FADS1: variants seen among roughly 807,000 people sequenced by gnomAD.
FADS1 encodes acyl-CoA (8-3)-desaturase.
In FADS1, 17 loss-of-function variants were observed where a neutral mutation model predicts 61.6. The ratio of observed to expected loss-of-function variants is 0.28; its 90% CI spans 0.19 to 0.41. The LOEUF (loss-of-function observed/expected upper bound fraction) is 0.41. FADS1 is among the 10% of genes least tolerant of loss of function. FADS1 has a pLI of 1.00. For missense variants in FADS1, 387 were observed against 650.9 expected (o/e 0.59, Z 4.41); for synonymous variants, 238 against 258.7 (o/e 0.92, Z 0.77).
chr11:61,808,006 G>A (rs1382692072), intron 5 of FADS1, among the ~76,000 whole-genome samples: 1 of 152,216 alleles, frequency 6.6e-6, no homozygotes, highest in Non-Finnish European at 1.5e-5. Flanking sequence ...CACCCTCATG[G>A]AGCTTATAAC....
chr11:61,816,301 G>A lies in FADS1; in HGVS notation c.375+254C>T, dbSNP rs551984536. ...TGCAGATGGAATGCACGGCAGGGAG[G>A]CGGGACCCTTTGTTTGTGTGTGCGT... On this transcript the variant is annotated intron_variant, in intron 1 of 11. Transcript: ENST00000350997. This position sits in a 1 kb window ranked among gnomAD's most constrained non-coding sequence, Gnocchi z 7.0. 7 of 1,598,392 alleles carry A rather than the reference G, an allele frequency of 4.4e-6. No homozygotes were observed. The highest frequency in any genetic ancestry group is 8.5e-7 in the Non-Finnish European group (1 of 1,179,788).
intron 5 of FADS1, among the ~76,000 whole-genome samples, chr11:61,809,206 G>A (rs892075255): frequency 2.0e-5 from 3 of 152,010 alleles, no homozygotes; most frequent in African/African-American, 4.8e-5. Flanking sequence ...CATCATTCAG[G>A]TCTCAGTTCA....
rs1565320852 is a variant in FADS1 at position 61,812,587 on chromosome 11, GGAA to G, written c.565_567del (p.Phe189del). On this transcript the variant is annotated inframe_deletion, in exon 3 of 12. Transcript: ENST00000350997. ...AGCAAGATGTGCAGCAGGTACAGCA[GGAA>G]GAAGACATGGTTGGCCTTCATGAGC... The G allele has an allele frequency of 6.2e-7, 1 of 1,614,180 alleles. No individual in the cohort carries two copies. The highest frequency in any genetic ancestry group is 1.7e-5 in the Admixed American group (1 of 60,032).
At chr11:61,813,884 G>T (rs2066950185) in intron 1 of FADS1, among the ~76,000 whole-genome samples, 1 of 131,868 alleles carries the variant, frequency 7.6e-6, no homozygotes. Context: ...AGAATGGCGT[G>T]AACCCCGGGG....
chr11:61,811,366 G>A (rs1269248580), intron 3 of FADS1, among the ~76,000 whole-genome samples: 7 of 150,026 alleles, frequency 4.7e-5, no homozygotes, highest in Non-Finnish European at 7.4e-5. Flanking sequence ...GCAATGGTGC[G>A]GTTTCAGATC....
rs372120634 is a variant in FADS1, at chr11:61,800,192, T to G, written c.*2219A>C. The G allele has an allele frequency of 2.0e-5, 3 of 152,592 alleles. No individual in the cohort carries two copies. The highest frequency in any genetic ancestry group is 3.8e-4 in the East Asian group (2 of 5,322). The allele number at this position is 152,592 out of a possible 1,614,324, so 9.5% of individuals were successfully genotyped here. ...GTACAACTCCTCAATTCTAAGTTTT[T>G]GTTGTTTTTTTTTTTTTTGAGACAG... On this transcript the variant is annotated 3_prime_UTR_variant, in exon 12 of 12. Coordinates refer to ENST00000350997, the MANE Select transcript of FADS1 (RefSeq NM_013402.7).
chr11:61,803,068 C>CA lies in FADS1; in HGVS notation c.1291dup (p.Trp431LeufsTer11), dbSNP rs1565317893. 1 of 1,614,158 alleles carries CA rather than the reference C, an allele frequency of 6.2e-7. No homozygotes were observed. Reference sequence around the variant, plus strand: ...CTGGAAGTTGAGGTGTCCACTGAACCAGTCATTGAAGGCAGACTTGTGGAC... The same window carrying CA: ...CTGGAAGTTGAGGTGTCCACTGAACCAAGTCATTGAAGGCAGACTTGTGGAC... On this transcript the variant is annotated frameshift_variant, in exon 10 of 12. Transcript: ENST00000350997. LOFTEE classifies it high-confidence loss of function. This position sits in a 1 kb window ranked among gnomAD's most constrained non-coding sequence, Gnocchi z 4.3.
intron 5 of FADS1, among the ~76,000 whole-genome samples, chr11:61,807,450 C>T (rs1382705203): frequency 2.0e-5 from 3 of 152,186 alleles, no homozygotes; most frequent in Non-Finnish European, 4.4e-5. Flanking sequence ...CTATATCCAG[C>T]CCCTAATTCT....
chr11:61,816,821 G>A lies in FADS1; in HGVS notation c.109C>T (p.Arg37Trp). The A allele has an allele frequency of 1.3e-6, 2 of 1,492,662 alleles. No individual in the cohort carries two copies. The highest frequency in any genetic ancestry group is 1.8e-6 in the Non-Finnish European group (2 of 1,131,858). The allele number at this position is 1,492,662 out of a possible 1,614,324, so 92.5% of individuals were successfully genotyped here. ...GCTGTCAGGCGCGTGCTCGGGGTCC[G>A]CGGGCTCCAGGAGTGGATTTGCTGG... ...ARQQIHSWSP[R>W]TPSTRLTAPA... The change falls in exon 1 of 12, where the codon CGG becomes TGG. Residue 37 changes from arginine to tryptophan, a missense_variant. By Grantham distance (101) the Arg-to-Trp change is moderately radical (BLOSUM62 -3). Transcript: ENST00000350997. This position sits in a 1 kb window ranked among gnomAD's most constrained non-coding sequence, Gnocchi z 7.0.
In FADS1 at chr11:61,809,065, C is replaced by T. The variant is rs182260324; in HGVS notation, c.915+1686G>A. 1.1e-4 allele frequency among the ~76,000 whole-genome samples: 17 copies of T among 152,292 alleles called. 1 individual carries two copies. The highest frequency in any genetic ancestry group is 4.1e-4 in the African/African-American group (17 of 41,552). On this transcript the variant is annotated intron_variant, in intron 5 of 11. Transcript: ENST00000350997. ...TTTCTAAGGCCCTACATGATCTGGC[C>T]CCTCCCTAGTTTTCTGGTCTTCTCA...
Position 61,816,816 on chromosome 11 carries a change from G to C in FADS1, c.114C>G (p.Thr38=), listed in dbSNP as rs979020168. 8.0e-6 allele frequency: 12 copies of C among 1,494,026 alleles called. No individual in the cohort carries two copies. Among genetic ancestry groups the C allele is most frequent in the Non-Finnish European group, 1.1e-5 (12 of 1,132,296 alleles). The allele number at this position is 1,494,026 out of a possible 1,614,324, so 92.5% of individuals were successfully genotyped here. A position where few individuals can be genotyped will look rare whatever the true frequency, so the allele number is the denominator to read the frequency against. Residue 38 remains threonine, a synonymous_variant, in exon 1 of 12, where the codon ACC becomes ACG. Coordinates refer to ENST00000350997, the MANE Select transcript of FADS1 (RefSeq NM_013402.7). This position sits in a 1 kb window ranked among gnomAD's most constrained non-coding sequence, Gnocchi z 7.0. ...CAGGGGCTGTCAGGCGCGTGCTCGG[G>C]GTCCGCGGGCTCCAGGAGTGGATTT... ...RQQIHSWSPR[T]PSTRLTAPAG...
Position 61,802,407 on chromosome 11 carries a change from G to A in FADS1, c.*4C>T. 6.4e-7 allele frequency: 1 copy of A among 1,566,736 alleles called. No homozygotes were observed. ...TTCTTCCAGACTGGGCAGGGTGGCT[G>A]TTGTTATTGGTGAAGATAGGCATCT... On this transcript the variant is annotated 3_prime_UTR_variant, in exon 12 of 12. Transcript: ENST00000350997. The surrounding 1 kb of genome is among the most constrained non-coding windows in gnomAD (Gnocchi z 4.2).
At position 61,804,775 on chromosome 11, in the gene FADS1, C is replaced by T. The variant is rs2066881903; in HGVS notation, c.977-14G>A. ...CTGGGGGCCCAACTGGGGAGGAAAC[C>T]GAGACAAAGAGGAGGCATGAGCACA... On this transcript the variant is annotated splice_polypyrimidine_tract_variant and intron_variant, in intron 6 of 11. Transcript: ENST00000350997. 3 of 1,611,452 alleles carry T rather than the reference C, an allele frequency of 1.9e-6. No homozygotes were observed. The highest frequency in any genetic ancestry group is 1.7e-4 in the Middle Eastern group (1 of 6,048).
chr11:61,812,753 C>A, intron 2 of FADS1, 85 bp from the exon 3 acceptor site: 2 of 1,242,908 alleles, frequency 1.6e-6, no homozygotes, highest in South Asian at 2.6e-5. Context: ...GCTCAAGGAC[C>A]TCCCACTGAG....
intron 5 of FADS1, among the ~76,000 whole-genome samples, chr11:61,808,261 G>A (rs1470057684): frequency 6.6e-6 from 1 of 151,988 alleles, no homozygotes; most frequent in African/African-American, 2.4e-5. Context: ...TCTTGAACTC[G>A]GGAGGCGGAG....
chr11:61,816,309 C>CT lies in FADS1; in HGVS notation c.375+245dup. 1.3e-6 allele frequency: 2 copies of CT among 1,598,384 alleles called. No individual in the cohort carries two copies. Among genetic ancestry groups the CT allele is most frequent in the South Asian group, 2.2e-5 (2 of 91,080 alleles). Reference sequence around the variant, plus strand: ...GAATGCACGGCAGGGAGGCGGGACCCTTTGTTTGTGTGTGCGTGTTGTTGG... The same window carrying CT: ...GAATGCACGGCAGGGAGGCGGGACCCTTTTGTTTGTGTGTGCGTGTTGTTGG... On this transcript the variant is annotated intron_variant, in intron 1 of 11. Transcript: ENST00000350997. This position sits in a 1 kb window ranked among gnomAD's most constrained non-coding sequence, Gnocchi z 7.0.
chr11:61,807,970 TAC>T (rs1233305938), intron 5 of FADS1, among the ~76,000 whole-genome samples: 1 of 152,236 alleles, frequency 6.6e-6, no homozygotes, highest in Admixed American at 6.5e-5. Context: ...ATGCTTAGGA[TAC>T]AGAGGTGAAC....
chr11:61,807,934 C>T (rs1167613337), intron 5 of FADS1, among the ~76,000 whole-genome samples: 1 of 152,206 alleles, frequency 6.6e-6, no homozygotes, highest in African/African-American at 2.4e-5. Context: ...TCTTCAGCAC[C>T]TACTGTGTGC....
Position 61,812,642 on chromosome 11 carries a change from C to T in FADS1, c.513G>A (p.Glu171=). ...KNKELTDEFR[E]LRATVERMGL... is the part of the protein sequence containing the mutation. ...CCATCCGCTCCACTGTGGCCCGCAG[C>T]TCCCGGAACTCATCTGTCAGCTCTT... is the stretch of plus-strand genomic sequence containing the variant. The change falls in exon 3 of 12, where the codon GAG becomes GAA. Residue 171 remains glutamate (E), a synonymous_variant. Transcript: ENST00000350997. The T allele has an allele frequency of 6.2e-7, 1 of 1,614,126 alleles. No individual in the cohort carries two copies. The highest frequency in any genetic ancestry group is 2.2e-5 in the East Asian group (1 of 44,870).
Sources: gnomAD v4.1 joint callset for allele counts (sites outside exome capture counted in the v4.1 genomes callset) on GRCh38, gnomAD v4.1.1 for gene constraint, Gnocchi (gnomAD v3.1) non-coding constraint, MANE v1.5 for transcripts, NCBI Gene and HGNC (gene_info 2026-07-23, HGNC 2026-07-21) for gene names.